ADAM23: variants seen among roughly 807,000 people sequenced by gnomAD.
ADAM23 encodes disintegrin and metalloproteinase domain-containing protein 23.
Under a neutral mutation model 120.1 loss-of-function variants are expected in ADAM23, and 33 were observed. That is an observed-to-expected ratio of 0.27 (90% CI 0.21 to 0.37). The LOEUF is 0.37. Ranked by LOEUF, ADAM23 falls within the 10% of genes least tolerant of loss-of-function variation. The pLI is 1.00. For synonymous variants in ADAM23, 367 were observed against 375.2 expected (o/e 0.98, Z 0.25); for missense variants, 862 against 1,058.2 (o/e 0.81, Z 2.57).
At chr2:206,457,614 C>G (rs558769303) in intron 2 of ADAM23, among the ~76,000 whole-genome samples, 126 of 152,106 alleles carry the variant, frequency 8.3e-4, no homozygotes, top group African/African-American at 2.9e-3. Flanking sequence ...GATAAATAAC[C>G]TTGTTTAAAC....
chr2:206,560,188 G>A, intron 11 of ADAM23, 70 bp downstream of exon 11: 2 of 1,483,830 alleles, frequency 1.3e-6, no homozygotes, highest in Non-Finnish European at 1.8e-6. Flanking sequence ...TTTTGGTTCA[G>A]TTAAGTTAAA....
chr2:206,510,823 A>G (rs997252585), intron 3 of ADAM23, among the ~76,000 whole-genome samples: 34 of 152,308 alleles, frequency 2.2e-4, no homozygotes, highest in Non-Finnish European at 2.8e-4. Context: ...TCGCTTTTTC[A>G]GCCTTAGATG....
At chr2:206,600,305 TGCTTGCCATTTATAATGG>T (rs558731207) in intron 24 of ADAM23, among the ~76,000 whole-genome samples, 423 of 152,356 alleles carry the variant, frequency 2.8e-3, no homozygotes, top group Middle Eastern at 6.8e-3. Flanking sequence ...CCTCCCCAAA[TGCTTGCCATTTATAATGG>T]GCACCACCCA....
At chr2:206,586,221 AGATC>A (rs1275616686) in intron 18 of ADAM23, among the ~76,000 whole-genome samples, 2 of 152,178 alleles carry the variant, frequency 1.3e-5, no homozygotes, top group African/African-American at 4.8e-5. Context: ...GGGAAACAGA[AGATC>A]GATGTGATTT....
At chr2:206,530,567 G>A (rs536737500) in intron 3 of ADAM23, among the ~76,000 whole-genome samples, 1 of 144,006 alleles carries the variant, frequency 6.9e-6, no homozygotes, top group African/African-American at 2.6e-5. Flanking sequence ...AGTGAGCCGA[G>A]ATCGCACTAC....
At chr2:206,558,887 CCTT>C (rs1171648191) in intron 10 of ADAM23, among the ~76,000 whole-genome samples, 4 of 152,072 alleles carry the variant, frequency 2.6e-5, no homozygotes, top group East Asian at 3.9e-4. Flanking sequence ...ATGGTGTTCC[CCTT>C]CTTCAGTGTG....
intron 3 of ADAM23, among the ~76,000 whole-genome samples, chr2:206,495,526 G>A (rs1696225813): frequency 1.3e-5 from 2 of 152,290 alleles, no homozygotes; most frequent in South Asian, 4.1e-4. Flanking sequence ...GGAACAACCG[G>A]TACCAGCCAC....
At chr2:206,504,173 T>C (rs192618967) in intron 3 of ADAM23, among the ~76,000 whole-genome samples, 2 of 152,286 alleles carry the variant, frequency 1.3e-5, no homozygotes, top group South Asian at 2.1e-4. Flanking sequence ...AAAGGTGCCA[T>C]TTAAAAATCC....
chr2:206,467,510 G>A (rs1406894240), intron 2 of ADAM23, among the ~76,000 whole-genome samples: 1 of 152,224 alleles, frequency 6.6e-6, no homozygotes, highest in Non-Finnish European at 1.5e-5. Flanking sequence ...GCACACTGTT[G>A]TGAGGTGTGG....
At chr2:206,459,860 T>G (rs926422471) in intron 2 of ADAM23, among the ~76,000 whole-genome samples, 2 of 152,212 alleles carry the variant, frequency 1.3e-5, no homozygotes, top group Admixed American at 6.5e-5. Flanking sequence ...TCAAGTTTTG[T>G]GTTCCCTTAA....
chr2:206,479,680 C>G (rs190725980), intron 2 of ADAM23, among the ~76,000 whole-genome samples: 1 of 152,204 alleles, frequency 6.6e-6, no homozygotes, highest in African/African-American at 2.4e-5. Flanking sequence ...GTTTCTCTCT[C>G]TCTCTCTCTT....
chr2:206,588,286 A>G, intron 20 of ADAM23, 132 bp downstream of exon 20: 1 of 952,238 alleles, frequency 1.1e-6, no homozygotes, highest in Non-Finnish European at 1.6e-6. Context: ...GGATGAGAAT[A>G]AAGAGAACTG....
In ADAM23 at chr2:206,618,905, T is replaced by C. The variant is rs1698988213; in HGVS notation, c.*1278T>C. 1 of 152,228 alleles carries C rather than the reference T, an allele frequency of 6.6e-6. No individual in the cohort carries two copies. Among genetic ancestry groups the C allele is most frequent in the Non-Finnish European group, 1.5e-5 (1 of 68,042 alleles). The allele number at this position is 152,228 out of a possible 1,614,324, so 9.4% of individuals were successfully genotyped here. On this transcript the variant is annotated 3_prime_UTR_variant, in exon 26 of 26. Transcript: ENST00000264377. ...TTGGTTTTCGGTTTTGACAATTTTC[T>C]TTCCCTGTCTTTAATGTGAAAGGAG...
intron 6 of ADAM23, among the ~76,000 whole-genome samples, chr2:206,546,373 G>A (rs968951571): frequency 5.3e-5 from 8 of 152,098 alleles, no homozygotes; most frequent in African/African-American, 1.9e-4. Context: ...ATTGATTTTA[G>A]TATGCTTTGC....
intron 2 of ADAM23, among the ~76,000 whole-genome samples, chr2:206,461,431 A>G (rs532286779): frequency 6.6e-6 from 1 of 152,166 alleles, no homozygotes; most frequent in African/African-American, 2.4e-5. Context: ...AGACCAGACT[A>G]TGAGTAGAAT....
Position 206,618,983 on chromosome 2 carries a change from A to G in ADAM23, c.*1356A>G, listed in dbSNP as rs1345362083. The G allele has an allele frequency of 6.6e-6, 1 of 152,186 alleles. No individual in the cohort carries two copies. Among genetic ancestry groups the G allele is most frequent in the African/African-American group, 2.4e-5 (1 of 41,456 alleles). 9.4% of individuals were successfully genotyped at this position (152,186 alleles called of 1,614,324 possible). A position where few individuals can be genotyped will look rare whatever the true frequency, so the allele number is the denominator to read the frequency against. Reference sequence around the variant, plus strand: ...ATTTTTTTAAATGTTAAAAGCTTGGAAAAAATTAAGCTTTCCATTTTATTT... The same window carrying G: ...ATTTTTTTAAATGTTAAAAGCTTGGGAAAAATTAAGCTTTCCATTTTATTT... On this transcript the variant is annotated 3_prime_UTR_variant, in exon 26 of 26. Coordinates refer to ENST00000264377, the MANE Select transcript of ADAM23 (RefSeq NM_003812.4).
At chr2:206,533,092 A>G (rs1169506242) in intron 4 of ADAM23, among the ~76,000 whole-genome samples, 1 of 152,206 alleles carries the variant, frequency 6.6e-6, no homozygotes, top group African/African-American at 2.4e-5. Context: ...TGCTTCAGAA[A>G]ATCTTTGTAC....
intron 9 of ADAM23, among the ~76,000 whole-genome samples, chr2:206,555,688 C>T (rs549641579): frequency 4.6e-3 from 700 of 151,958 alleles, no homozygotes; most frequent in Middle Eastern, 0.02. Context: ...TCATGTTTTC[C>T]GTGATCATTA....
At chr2:206,594,582 G>A (rs1698485006) in intron 22 of ADAM23, among the ~76,000 whole-genome samples, 155 bp from the exon 23 acceptor site, 1 of 152,146 alleles carries the variant, frequency 6.6e-6, no homozygotes, top group Non-Finnish European at 1.5e-5. Flanking sequence ...TTAAGGAAAG[G>A]TAGGGAAAGG....
Sources: gnomAD v4.1 joint callset for allele counts (sites outside exome capture counted in the v4.1 genomes callset) on GRCh38, gnomAD v4.1.1 for gene constraint, MANE v1.5 for transcripts, NCBI Gene and HGNC (gene_info 2026-07-23, HGNC 2026-07-21) for gene names.